KLF17: variants seen among roughly 807,000 people sequenced by gnomAD.
KLF17 encodes the protein KLF transcription factor 17, also known as Krueppel-like factor 17.
KLF17 carries 31 observed loss-of-function variants against 34.2 expected under a neutral mutation model. The observed-to-expected ratio is 0.91, with a 90% CI of 0.68 to 1.22. The LOEUF (loss-of-function observed/expected upper bound fraction) is 1.22. Among genes scored for constraint, KLF17 ranks in the 50% most tolerant of loss-of-function variants. KLF17 has a pLI of 0.00. For missense variants in KLF17, 478 were observed against 505.2 expected (o/e 0.95, Z 0.52); for synonymous variants, 179 against 186.7 (o/e 0.96, Z 0.34).
upstream of KLF17, chr1:44,115,992 T>C (rs1188257445): frequency 2.6e-5 from 4 of 152,248 alleles, no homozygotes; most frequent in African/African-American, 9.6e-5. Context: ...TTTATGATGA[T>C]TTGAAAATAT....
the KLF17 span, among the ~76,000 whole-genome samples, chr1:44,047,691 C>T: frequency 6.0e-4 from 91 of 152,230 alleles, no homozygotes; most frequent in Middle Eastern, 3.4e-3. Flanking sequence ...GGGCACGAGT[C>T]GGGGTGCTAC....
At chr1:44,093,583 C>T in the KLF17 span, among the ~76,000 whole-genome samples, 6 of 152,232 alleles carry the variant, frequency 3.9e-5, 1 homozygote, top group Middle Eastern at 0.01. Flanking sequence ...TTAGTAGAGA[C>T]GGGATTTCAC....
the KLF17 span, among the ~76,000 whole-genome samples, chr1:44,063,902 G>A: frequency 6.6e-6 from 1 of 152,194 alleles, no homozygotes; most frequent in Non-Finnish European, 1.5e-5. Flanking sequence ...TCTGAGAAGG[G>A]ATTAGGGAAG....
At chr1:44,049,616 G>T in the KLF17 span, among the ~76,000 whole-genome samples, 1 of 152,192 alleles carries the variant, frequency 6.6e-6, no homozygotes, top group Non-Finnish European at 1.5e-5. Context: ...CTGAATAGCT[G>T]GGACTACAGG....
the KLF17 span, among the ~76,000 whole-genome samples, chr1:44,092,368 A>G: frequency 6.6e-6 from 1 of 152,120 alleles, no homozygotes; most frequent in African/African-American, 2.4e-5. Flanking sequence ...GTACTTCACT[A>G]CACTGACAGA....
At chr1:44,083,215 T>C in the KLF17 span, among the ~76,000 whole-genome samples, 4 of 151,588 alleles carry the variant, frequency 2.6e-5, no homozygotes, top group African/African-American at 9.7e-5. Flanking sequence ...CCCAAAGTGC[T>C]AGGATTATAG....
In KLF17 at chr1:44,130,538, G is replaced by T; in HGVS notation, c.952G>T (p.Glu318Ter). 1 of 1,614,130 alleles carries T rather than the reference G, an allele frequency of 6.2e-7. No individual in the cohort carries two copies. ...TGAGAGGCCATATTCTTGCAACTGG[G>T]AAAGTTGTTCATGGTCTTTCTTCCG... ...TGERPYSCNW[E>*]SCSWSFFRSD... The change falls in exon 3 of 4, where the codon GAA becomes TAA. Residue 318 changes from glutamate (E) to a stop codon, truncating the protein, a stop_gained. Coordinates refer to ENST00000372299, the MANE Select transcript of KLF17 (RefSeq NM_173484.4). LOFTEE classifies it high-confidence loss of function.
At chr1:44,132,366 A>T (rs2088121835) in intron 3 of KLF17, among the ~76,000 whole-genome samples, 1 of 152,032 alleles carries the variant, frequency 6.6e-6, no homozygotes, top group South Asian at 2.1e-4. Context: ...AGGCAAATCA[A>T]TTCCCCCTTT....
At chr1:44,104,596 G>T in the KLF17 span, 2 of 596,762 alleles carry the variant, frequency 3.4e-6, no homozygotes, top group Non-Finnish European at 6.2e-6. Context: ...CTCCCATGCC[G>T]CTGGTCCCAC....
At position 44,129,841 on chromosome 1, in the gene KLF17, A is replaced by G. The variant is rs1350627567; in HGVS notation, c.570A>G (p.Thr190=). The G allele has an allele frequency of 6.2e-7, 1 of 1,614,078 alleles. No individual in the cohort carries two copies. The highest frequency in any genetic ancestry group is 1.1e-5 in the South Asian group (1 of 91,080). The change falls in exon 2 of 4, where the codon ACA becomes ACG. Residue 190 remains threonine (T), a synonymous_variant. Coordinates refer to ENST00000372299, the MANE Select transcript of KLF17 (RefSeq NM_173484.4). ...PGLSTVPSDE[T]LLGPTVPSTE... is the part of the protein sequence containing the mutation. ...TCTCGACAGTACCTTCTGACGAAAC[A>G]TTGTTGGGCCCGACTGTGCCTTCCA...
At chr1:44,106,530 G>A in the KLF17 span, 1 of 152,212 alleles carries the variant, frequency 6.6e-6, no homozygotes, top group African/African-American at 2.4e-5. Flanking sequence ...TTTTGGGGAT[G>A]TTGGGGACTA....
the KLF17 span, among the ~76,000 whole-genome samples, chr1:44,072,626 C>G: frequency 6.6e-6 from 1 of 152,074 alleles, no homozygotes; most frequent in Non-Finnish European, 1.5e-5. Context: ...CCCGGGAGTT[C>G]CAGGCTGCAG....
chr1:44,079,586 G>A, the KLF17 span, among the ~76,000 whole-genome samples: 1 of 151,964 alleles, frequency 6.6e-6, no homozygotes, highest in South Asian at 2.1e-4. Context: ...TACAAGACGT[G>A]AGCCACCACG....
chr1:44,128,017 T>C lies in KLF17; in HGVS notation c.82-1336T>C, dbSNP rs191886208. On this transcript the variant is annotated intron_variant, in intron 1 of 3. Transcript: ENST00000372299. The stretch of plus-strand genomic sequence containing the variant: ...CAATTGAAGAGTGAATAGGAGATGA[T>C]AGGATAGCTTTATTCGTTTCTCAAC... 3.2e-3 allele frequency among the ~76,000 whole-genome samples: 482 copies of C among 152,242 alleles called. 2 individuals carry two copies. The highest frequency in any genetic ancestry group is 0.011 in the African/African-American group (466 of 41,536).
At chr1:44,077,025 G>A in the KLF17 span, among the ~76,000 whole-genome samples, 5 of 148,878 alleles carry the variant, frequency 3.4e-5, no homozygotes, top group Non-Finnish European at 7.4e-5. Context: ...GTGAGCCACT[G>A]CACCCAGCCT....
the KLF17 span, among the ~76,000 whole-genome samples, chr1:44,068,546 C>T: frequency 7.9e-5 from 12 of 152,232 alleles, no homozygotes; most frequent in African/African-American, 2.9e-4. Flanking sequence ...CTTCCCCTGC[C>T]CTTCGGCCTT....
At chr1:44,083,793 C>CAAAAAAAAAAA in the KLF17 span, among the ~76,000 whole-genome samples, 1 of 104,294 alleles carries the variant, frequency 9.6e-6, no homozygotes, top group Non-Finnish European at 1.9e-5. Flanking sequence ...GACTCTGTCT[C>CAAAAAAAAAAA]AAAAAAAAAA....
chr1:44,047,342 A>G, the KLF17 span, among the ~76,000 whole-genome samples: 1 of 152,130 alleles, frequency 6.6e-6, no homozygotes, highest in Non-Finnish European at 1.5e-5. Flanking sequence ...TGATCTGATG[A>G]CTTTGAGGAG....
chr1:44,109,996 TC>T, the KLF17 span, among the ~76,000 whole-genome samples: 1 of 134,576 alleles, frequency 7.4e-6, no homozygotes. Flanking sequence ...CACCTCCGCC[TC>T]CCGGGTTCAA....
Sources: allele counts gnomAD v4.1 joint callset (sites outside exome capture counted in the v4.1 genomes callset), GRCh38; gene constraint gnomAD v4.1.1; transcripts MANE v1.5; gene names NCBI Gene and HGNC (gene_info 2026-07-23, HGNC 2026-07-21).